The following FSTL4 variants were observed in gnomAD, a reference collection of about 807,000 sequenced individuals.
FSTL4 encodes the protein follistatin like 4.
A neutral mutation model predicts 78.2 loss-of-function variants in FSTL4; 28 were observed. The observed-to-expected ratio is 0.36, with a 90% CI of 0.27 to 0.49. The LOEUF (loss-of-function observed/expected upper bound fraction) is 0.49, where lower values mean the gene tolerates loss of function less well. FSTL4 is among the 20% of genes least tolerant of loss of function. The pLI is 0.98. For missense variants in FSTL4, 922 were observed against 1,084.9 expected, an observed-to-expected ratio of 0.85 and a Z score of 2.11; for synonymous variants, 422 against 440.5, an observed-to-expected ratio of 0.96 and a Z score of 0.53.
intron 7 of FSTL4, among the ~76,000 whole-genome samples, chr5:133,239,250 C>G (rs575008560): frequency 2.1e-5 from 3 of 140,582 alleles, no homozygotes; most frequent in African/African-American, 7.6e-5. Context: ...TCCCTGCCAA[C>G]GTGGGCTCCT....
chr5:133,516,658 C>G (rs930210891), intron 3 of FSTL4, among the ~76,000 whole-genome samples: 2 of 152,126 alleles, frequency 1.3e-5, no homozygotes, highest in African/African-American at 4.8e-5. Flanking sequence ...TTCAAATTCA[C>G]TCATGTGGAA....
chr5:133,210,372 A>G, intron 13 of FSTL4, 74 bp from the exon 14 acceptor site: 2 of 820,544 alleles, frequency 2.4e-6, no homozygotes, highest in Admixed American at 1.9e-5. Flanking sequence ...CATGGGCATC[A>G]CTCCTGGGCG....
chr5:133,486,894 G>A (rs1157092120), intron 3 of FSTL4, among the ~76,000 whole-genome samples: 1 of 152,158 alleles, frequency 6.6e-6, no homozygotes, highest in Non-Finnish European at 1.5e-5. Context: ...GAGGCCCAGA[G>A]AGGATAACTT....
At chr5:133,452,423 G>T (rs902749784) in intron 3 of FSTL4, among the ~76,000 whole-genome samples, 2 of 152,230 alleles carry the variant, frequency 1.3e-5, no homozygotes, top group Non-Finnish European at 2.9e-5. Flanking sequence ...TGCAGCCAGA[G>T]AAATTTTCCT....
At chr5:133,748,799 G>A in the FSTL4 span, among the ~76,000 whole-genome samples, 1 of 152,142 alleles carries the variant, frequency 6.6e-6, no homozygotes, top group Non-Finnish European at 1.5e-5. Flanking sequence ...GGGGGCAGCA[G>A]CCCCAACCCC....
chr5:133,267,900 G>A (rs1382237186), intron 6 of FSTL4, among the ~76,000 whole-genome samples: 3 of 152,144 alleles, frequency 2.0e-5, no homozygotes, highest in Non-Finnish European at 4.4e-5. Context: ...TAGAAGGCAC[G>A]TGAGCTACAC....
the FSTL4 span, among the ~76,000 whole-genome samples, chr5:133,702,881 C>T: frequency 2.0e-5 from 3 of 152,196 alleles, no homozygotes; most frequent in African/African-American, 4.8e-5. Flanking sequence ...GCCAGGCACA[C>T]AGCTGCAAAC....
chr5:133,228,272 G>A (rs1326235253), intron 8 of FSTL4, among the ~76,000 whole-genome samples: 1 of 152,116 alleles, frequency 6.6e-6, no homozygotes, highest in Non-Finnish European at 1.5e-5. Flanking sequence ...GGAAGTACCA[G>A]CATTGAGTTA....
intron 4 of FSTL4, among the ~76,000 whole-genome samples, chr5:133,336,825 C>G (rs919185180): frequency 1.3e-5 from 2 of 152,194 alleles, no homozygotes; most frequent in Non-Finnish European, 2.9e-5. Flanking sequence ...CCCTTGAGCC[C>G]TTCTAGGCAT....
Position 133,535,069 on chromosome 5 carries a change from G to A in FSTL4, c.160+32117C>T, listed in dbSNP as rs373978346. ...TCGTAAGGAGGGGGGTTATCTGACA[G>A]GATGGTTGGCCTCATAAGAAGAGGC... On this transcript the variant is annotated intron_variant, in intron 3 of 15. Coordinates refer to ENST00000265342, the MANE Select transcript of FSTL4 (RefSeq NM_015082.2). Among the ~76,000 whole-genome samples the A allele has an allele frequency of 3.9e-5, 6 of 152,192 alleles. No homozygotes were observed. In the East Asian group the frequency reaches 1.2e-3, roughly 29 times the overall value.
At chr5:133,391,444 G>T (rs778692755) in intron 4 of FSTL4, among the ~76,000 whole-genome samples, 5 of 152,178 alleles carry the variant, frequency 3.3e-5, no homozygotes, top group Non-Finnish European at 7.4e-5. Flanking sequence ...ACAGCCTCCT[G>T]CGGAGAAGCC....
chr5:133,734,301 A>G, the FSTL4 span, among the ~76,000 whole-genome samples: 1 of 152,348 alleles, frequency 6.6e-6, no homozygotes, highest in Non-Finnish European at 1.5e-5. Flanking sequence ...TATATTATGG[A>G]TAGGTCTTAC....
At chr5:133,251,333 G>A (rs1281903478) in intron 6 of FSTL4, among the ~76,000 whole-genome samples, 1 of 152,156 alleles carries the variant, frequency 6.6e-6, no homozygotes, top group African/African-American at 2.4e-5. Flanking sequence ...AGGCTCCCCT[G>A]GGCCACGAGG....
At chr5:133,483,675 T>C (rs1758074390) in intron 3 of FSTL4, among the ~76,000 whole-genome samples, 1 of 152,222 alleles carries the variant, frequency 6.6e-6, no homozygotes. Flanking sequence ...TGATAAGTCT[T>C]TGTGTTTCAG....
chr5:133,450,415 C>T (rs942232445), intron 3 of FSTL4, among the ~76,000 whole-genome samples: 10 of 152,228 alleles, frequency 6.6e-5, no homozygotes, highest in Non-Finnish European at 1.3e-4. Flanking sequence ...CTATGGGCTC[C>T]GGCCCTGCTG....
chr5:133,403,416 T>G (rs1019176740), intron 3 of FSTL4, among the ~76,000 whole-genome samples: 14 of 152,166 alleles, frequency 9.2e-5, no homozygotes, highest in African/African-American at 3.1e-4. Flanking sequence ...CTCTGAATCC[T>G]CCTACCCCAA....
chr5:133,701,591 T>G, the FSTL4 span, among the ~76,000 whole-genome samples: 12 of 151,792 alleles, frequency 7.9e-5, no homozygotes, highest in Admixed American at 7.9e-4. Flanking sequence ...AGTTCAGTAC[T>G]GCACAATAAT....
intron 6 of FSTL4, among the ~76,000 whole-genome samples, chr5:133,274,073 T>C (rs1216725777): frequency 6.6e-6 from 1 of 152,262 alleles, no homozygotes; most frequent in Non-Finnish European, 1.5e-5. Context: ...TGTTCATTTT[T>C]CTTTGGCAAA....
chr5:133,403,679 T>A (rs542057060), intron 3 of FSTL4, among the ~76,000 whole-genome samples: 65 of 152,084 alleles, frequency 4.3e-4, no homozygotes, highest in African/African-American at 1.5e-3. Flanking sequence ...AGTGGAAGGA[T>A]GGAGGTATGA....
Sources: gnomAD v4.1 joint callset for allele counts (sites outside exome capture counted in the v4.1 genomes callset) on GRCh38, gnomAD v4.1.1 for gene constraint, MANE v1.5 for transcripts, NCBI Gene and HGNC (gene_info 2026-07-23, HGNC 2026-07-21) for gene names.